The following RTN3 variants were observed in gnomAD, a reference collection of about 807,000 sequenced individuals.
The protein encoded by RTN3 is reticulon 3, also known as reticulon-3.
A neutral mutation model predicts 77.8 loss-of-function variants in RTN3; 49 were observed. The ratio of observed to expected loss-of-function variants is 0.63; its 90% confidence interval spans 0.50 to 0.80. RTN3 has a LOEUF of 0.80. RTN3 is among the 30% of genes least tolerant of loss of function. The pLI, the probability that RTN3 is intolerant of heterozygous loss-of-function variation, is 0.00. For synonymous variants in RTN3, 464 were observed against 446.9 expected (o/e 1.04, Z -0.48); for missense variants, 1,236 against 1,211.9 (o/e 1.02, Z -0.29).
At chr11:63,706,043 G>A (rs1362940206) in intron 2 of RTN3, among the ~76,000 whole-genome samples, 1 of 152,180 alleles carries the variant, frequency 6.6e-6, no homozygotes, top group Non-Finnish European at 1.5e-5. Context: ...CAAACAGTTT[G>A]TTGTTACAGG....
intron 6 of RTN3, 122 bp downstream of exon 6, chr11:63,753,260 G>A: frequency 2.3e-6 from 2 of 886,054 alleles, no homozygotes; most frequent in Non-Finnish European, 3.5e-6. Flanking sequence ...ATAGAGACCT[G>A]GGAGTAGAGG....
intron 4 of RTN3, chr11:63,750,537 C>T (rs2014046699): frequency 4.5e-6 from 1 of 223,558 alleles, no homozygotes; most frequent in Admixed American, 5.3e-5. Flanking sequence ...ATCGCAACCT[C>T]TGCCTCCCAG....
chr11:63,720,250 C>T lies in RTN3; in HGVS notation c.1748C>T (p.Ser583Leu). ...AGTCCAGCTAGTGAGGCAGCATGTT[C>T]AAAAGTACCCGATACGAATGTCTCC... ...GRSPASEAAC[S>L]KVPDTNVSLE... The change falls in exon 3 of 9, where the codon TCA becomes TTA. Residue 583 changes from serine (S) to leucine (L), a missense_variant. Around this residue, in one of 3 missense-constraint regions of RTN3, gnomAD observed 1,056 missense variants for 990.4 expected, o/e 1.07. Transcript: ENST00000377819. 6.2e-7 allele frequency: 1 copy of T among 1,613,926 alleles called. No individual in the cohort carries two copies. The highest frequency in any genetic ancestry group is 8.5e-7 in the Non-Finnish European group (1 of 1,179,966).
intron 1 of RTN3, among the ~76,000 whole-genome samples, chr11:63,696,393 T>C (rs1448940572): frequency 6.8e-6 from 1 of 146,238 alleles, no homozygotes; most frequent in Non-Finnish European, 1.5e-5. Context: ...CAAGACTCTG[T>C]CTCAAAAGGA....
intron 1 of RTN3, among the ~76,000 whole-genome samples, chr11:63,691,733 A>G (rs573550621): frequency 6.6e-6 from 1 of 152,246 alleles, no homozygotes; most frequent in African/African-American, 2.4e-5. Flanking sequence ...AAGATATCCA[A>G]AGTCTGACCA....
At chr11:63,757,764 G>A (rs1211506763) in intron 8 of RTN3, among the ~76,000 whole-genome samples, 3 of 145,904 alleles carry the variant, frequency 2.1e-5, no homozygotes, top group Admixed American at 6.9e-5. Context: ...CTGTCACCCA[G>A]GCTGGAGTGC....
At position 63,752,719 on chromosome 11, in the gene RTN3, G is replaced by A. The variant is rs553391518; in HGVS notation, c.2877+74G>A. 6.1e-3 allele frequency: 9,044 copies of A among 1,482,802 alleles called. 42 individuals are homozygous for A. The highest frequency in any genetic ancestry group is 7.8e-3 in the Non-Finnish European group (8,340 of 1,072,566). The allele number at this position is 1,482,802 out of a possible 1,614,324, so 91.9% of individuals were successfully genotyped here. A position where few individuals can be genotyped will look rare whatever the true frequency, so the allele number is the denominator to read the frequency against. ...TGGGTTATAATTTGGAGGAAAAACA[G>A]TACATAGGATTTTATCAGACAAAAA... On this transcript the variant is annotated intron_variant, in intron 5 of 8. Coordinates refer to ENST00000377819, the MANE Select transcript of RTN3 (RefSeq NM_001265589.2).
chr11:63,730,809 C>A (rs1033396129), intron 3 of RTN3, among the ~76,000 whole-genome samples: 19 of 151,902 alleles, frequency 1.3e-4, no homozygotes, highest in Non-Finnish European at 2.6e-4. Context: ...CAGAGTGAGA[C>A]CCTGTCTCCC....
intron 3 of RTN3, among the ~76,000 whole-genome samples, chr11:63,730,263 G>A (rs966478715): frequency 7.9e-5 from 12 of 152,094 alleles, no homozygotes; most frequent in Admixed American, 6.6e-4. Flanking sequence ...CACCGTGCTC[G>A]GCCAAAAGAT....
chr11:63,684,148 T>TGG (rs1941237695), intron 1 of RTN3, among the ~76,000 whole-genome samples: 1 of 122,686 alleles, frequency 8.2e-6, no homozygotes, highest in African/African-American at 3.0e-5. Context: ...TTTTTTTTTT[T>TGG]TTTTTTGGTT....
chr11:63,712,482 GAT>G (rs2011186014), intron 2 of RTN3, among the ~76,000 whole-genome samples: 1 of 107,562 alleles, frequency 9.3e-6, no homozygotes, highest in Admixed American at 1.4e-4. Flanking sequence ...AAAGGACTTT[GAT>G]TTTTTTTTTT....
At position 63,704,375 on chromosome 11, in the gene RTN3, A is replaced by T. The variant is rs114566403; in HGVS notation, c.143-476A>T. 6.4e-3 allele frequency among the ~76,000 whole-genome samples: 976 copies of T among 152,228 alleles called. 14 individuals carry two copies. Among genetic ancestry groups the T allele is most frequent in the African/African-American group, 0.022 (919 of 41,526 alleles). ...TCCCCATGGATTAATTGTGATTTTT[A>T]AAAAAATATTTAGGGTCAACTTTGC... On this transcript the variant is annotated intron_variant, in intron 1 of 8. Transcript: ENST00000377819.
chr11:63,759,740 A>T lies in RTN3; in HGVS notation c.*1539A>T. 1 of 151,964 alleles carries T rather than the reference A, an allele frequency of 6.6e-6. No individual in the cohort carries two copies. The highest frequency in any genetic ancestry group is 1.5e-5 in the Non-Finnish European group (1 of 67,914). 9.4% of individuals were successfully genotyped at this position (151,964 alleles called of 1,614,324 possible). On this transcript the variant is annotated 3_prime_UTR_variant, in exon 9 of 9. Transcript: ENST00000377819. Reference sequence around the variant, plus strand: ...CAGGATTTTTTTTTTTTTTTAAGAAAAACCTATAGATGAAAAATTACTAAT... The same window carrying T: ...CAGGATTTTTTTTTTTTTTTAAGAATAACCTATAGATGAAAAATTACTAAT...
chr11:63,722,114 AAG>A (rs1366349343), intron 3 of RTN3, among the ~76,000 whole-genome samples: 1 of 152,180 alleles, frequency 6.6e-6, no homozygotes, highest in African/African-American at 2.4e-5. Flanking sequence ...AAGAAAAAAA[AAG>A]GATCTTTCAA....
intron 3 of RTN3, among the ~76,000 whole-genome samples, chr11:63,739,672 C>T (rs1267931476): frequency 6.6e-6 from 1 of 152,208 alleles, no homozygotes; most frequent in Non-Finnish European, 1.5e-5. Context: ...ATCTACTCCC[C>T]ATCCCACGTC....
chr11:63,688,523 A>G (rs1405583273), intron 1 of RTN3, among the ~76,000 whole-genome samples: 1 of 152,110 alleles, frequency 6.6e-6, no homozygotes, highest in Non-Finnish European at 1.5e-5. Context: ...CGCCCGGCCA[A>G]GAAGTTTTTT....
intron 3 of RTN3, among the ~76,000 whole-genome samples, chr11:63,739,259 G>GA (rs71039668): frequency 0.017 from 2,574 of 151,904 alleles, 40 homozygotes; most frequent in Non-Finnish European, 0.024. Flanking sequence ...TCCTTTAAAT[G>GA]AAAAAAAATT....
At chr11:63,736,560 C>T (rs548156188) in intron 3 of RTN3, among the ~76,000 whole-genome samples, 5 of 152,104 alleles carry the variant, frequency 3.3e-5, no homozygotes, top group African/African-American at 1.2e-4. Context: ...TGGTGGCACA[C>T]ACCTGTAGTC....
At chr11:63,708,829 G>A (rs903800770) in intron 2 of RTN3, among the ~76,000 whole-genome samples, 1 of 152,118 alleles carries the variant, frequency 6.6e-6, no homozygotes, top group Non-Finnish European at 1.5e-5. Flanking sequence ...ATCCCTGAGA[G>A]TTTCAAAATA....
Sources: gnomAD v4.1 joint callset for allele counts (sites outside exome capture counted in the v4.1 genomes callset) on GRCh38, gnomAD v4.1.1 for gene constraint, gnomAD v4.1.1 regional missense constraint, MANE v1.5 for transcripts, NCBI Gene and HGNC (gene_info 2026-07-23, HGNC 2026-07-21) for gene names.